Variants in DOCK4 observed in about 807,000 individuals in gnomAD.
DOCK4 encodes dedicator of cytokinesis 4.
Under a neutral mutation model 268.1 loss-of-function variants are expected in DOCK4, and 97 were observed. The ratio of observed to expected loss-of-function variants is 0.36; its 90% CI spans 0.31 to 0.43. DOCK4 has a LOEUF of 0.43. Ranked by LOEUF, DOCK4 falls within the 20% of genes least tolerant of loss-of-function variation. The pLI, the probability that DOCK4 is intolerant of heterozygous loss-of-function variation, is 1.00. For missense variants in DOCK4, 2,145 were observed against 2,455.7 expected, an observed-to-expected ratio of 0.87 and a Z score of 2.67; for synonymous variants, 954 against 887.2, an observed-to-expected ratio of 1.08 and a Z score of -1.34.
chr7:111,729,257 T>C (rs1182267867), intron 52 of DOCK4, among the ~76,000 whole-genome samples: 1 of 152,178 alleles, frequency 6.6e-6, no homozygotes, highest in African/African-American at 2.4e-5. Context: ...CTCCTTATCA[T>C]TTTCAGATAG....
At chr7:111,793,198 A>ACC (rs1290275437) in intron 30 of DOCK4, among the ~76,000 whole-genome samples, 1 of 152,178 alleles carries the variant, frequency 6.6e-6, no homozygotes, top group Admixed American at 6.5e-5. Flanking sequence ...GGTACCTGTT[A>ACC]CTGCACACAG....
intron 1 of DOCK4, among the ~76,000 whole-genome samples, chr7:112,063,903 G>C (rs1806683133): frequency 6.6e-6 from 1 of 152,180 alleles, no homozygotes; most frequent in Non-Finnish European, 1.5e-5. Flanking sequence ...GGTACCCCAA[G>C]TCCTTTTCTT....
intron 27 of DOCK4, among the ~76,000 whole-genome samples, chr7:111,818,311 T>G (rs1167639209): frequency 6.6e-6 from 1 of 152,206 alleles, no homozygotes; most frequent in Non-Finnish European, 1.5e-5. Flanking sequence ...CAAGCATGTC[T>G]AGCTTTCCCT....
At chr7:112,118,287 T>G (rs1338947593) in intron 1 of DOCK4, among the ~76,000 whole-genome samples, 1 of 152,146 alleles carries the variant, frequency 6.6e-6, no homozygotes, top group African/African-American at 2.4e-5. Context: ...ATTTTCTCCT[T>G]CTTGTATTTT....
rs1419296016 is a variant in DOCK4 at position 111,964,242 on chromosome 7, C to T, written c.701+12890G>A. On this transcript the variant is annotated intron_variant, in intron 8 of 52. Coordinates refer to ENST00000428084, the MANE Select transcript of DOCK4 (RefSeq NM_001363540.2). The stretch of plus-strand genomic sequence containing the variant: ...TGACGAGCTGAGAGAAGGCTTCAGA[C>T]GATCAAATTACTCTGAGCTACGGGA... Among the ~76,000 whole-genome samples the T allele has an allele frequency of 5.0e-5, 6 of 119,578 alleles. 1 individual carries two copies. Among genetic ancestry groups the T allele is most frequent in the East Asian group, 2.6e-4 (1 of 3,778 alleles). 78.4% of individuals were successfully genotyped at this position (119,578 alleles called of 152,430 possible). A position where few individuals can be genotyped will look rare whatever the true frequency, so the allele number is the denominator to read the frequency against.
chr7:112,133,907 A>G lies in DOCK4; in HGVS notation c.37+72195T>C, dbSNP rs546293599. Among the ~76,000 whole-genome samples the G allele has an allele frequency of 2.6e-5, 4 of 152,240 alleles. No individual in the cohort carries two copies. The East Asian group carries it at 7.7e-4, about 29-fold the overall frequency. On this transcript the variant is annotated intron_variant, in intron 1 of 52. Transcript: ENST00000428084. ...TAAGGCTTCCTCAAATGGTTTGTGA[A>G]ATAATTTTTTTTTAACAGACTGGAA...
At chr7:112,091,185 G>A (rs10266032) in intron 1 of DOCK4, among the ~76,000 whole-genome samples, 23,269 of 152,162 alleles carry the variant, frequency 0.15, 3,128 homozygotes, top group East Asian at 0.39. Context: ...ATTGACTCCA[G>A]TGTTCCTACC....
intron 1 of DOCK4, among the ~76,000 whole-genome samples, chr7:112,142,073 G>C (rs1469397): frequency 6.6e-6 from 1 of 151,948 alleles, no homozygotes; most frequent in Non-Finnish European, 1.5e-5. Context: ...GGGAGAGGGA[G>C]AAACAGGTTC....
At chr7:111,755,480 T>A (rs1286599891) in intron 42 of DOCK4, 35 bp downstream of exon 42, 1 of 1,599,668 alleles carries the variant, frequency 6.3e-7, no homozygotes, top group Admixed American at 1.7e-5. Flanking sequence ...ACAACTGTGA[T>A]GAGAAAGTGC....
At chr7:111,960,400 A>C (rs190706636) in intron 8 of DOCK4, among the ~76,000 whole-genome samples, 1 of 151,052 alleles carries the variant, frequency 6.6e-6, no homozygotes, top group African/African-American at 2.4e-5. Context: ...GAATTTATAA[A>C]TAAAAATTGT....
At chr7:111,996,822 A>C (rs78292334) in intron 4 of DOCK4, among the ~76,000 whole-genome samples, 3,901 of 152,334 alleles carry the variant, frequency 0.026, 166 homozygotes, top group African/African-American at 0.088. Context: ...GGACGTACTT[A>C]TTTAAAAACC....
At chr7:111,760,905 T>C (rs1263607039) in intron 39 of DOCK4, among the ~76,000 whole-genome samples, 1 of 152,082 alleles carries the variant, frequency 6.6e-6, no homozygotes, top group Non-Finnish European at 1.5e-5. Flanking sequence ...TGATTAGATA[T>C]GACGGATCTC....
intron 27 of DOCK4, among the ~76,000 whole-genome samples, chr7:111,814,560 G>A (rs545287530): frequency 1.3e-5 from 2 of 152,246 alleles, no homozygotes; most frequent in East Asian, 1.9e-4. Flanking sequence ...CAGCAACCCT[G>A]GAGTGGGACT....
intron 1 of DOCK4, among the ~76,000 whole-genome samples, chr7:112,035,151 C>T (rs1165381083): frequency 1.3e-5 from 2 of 151,992 alleles, no homozygotes; most frequent in Non-Finnish European, 2.9e-5. Flanking sequence ...AACAGCCAGC[C>T]CTTAAATAGT....
chr7:112,157,198 A>T (rs1470824899), intron 1 of DOCK4, among the ~76,000 whole-genome samples: 1 of 152,102 alleles, frequency 6.6e-6, no homozygotes, highest in Non-Finnish European at 1.5e-5. Flanking sequence ...AGCTCACAGT[A>T]TTGTGGGAGG....
chr7:112,096,819 G>A (rs991252127), intron 1 of DOCK4, among the ~76,000 whole-genome samples: 1 of 152,176 alleles, frequency 6.6e-6, no homozygotes, highest in African/African-American at 2.4e-5. Flanking sequence ...AAGCCAGTAT[G>A]GAGAAGGGCA....
chr7:111,764,296 T>C (rs1310608856), intron 39 of DOCK4, among the ~76,000 whole-genome samples: 2 of 152,242 alleles, frequency 1.3e-5, no homozygotes, highest in African/African-American at 4.8e-5. Flanking sequence ...CTTCTCCAAG[T>C]ACACCCATCC....
chr7:111,858,154 T>C (rs1362631010), intron 23 of DOCK4, among the ~76,000 whole-genome samples: 1 of 152,210 alleles, frequency 6.6e-6, no homozygotes, highest in Admixed American at 6.5e-5. Flanking sequence ...AATCTTCCCA[T>C]GACAACATTT....
At position 112,000,534 on chromosome 7, in the gene DOCK4, C is replaced by T; in HGVS notation, c.122G>A (p.Gly41Asp). 1 of 1,545,106 alleles carries T rather than the reference C, an allele frequency of 6.5e-7. No homozygotes were observed. Among genetic ancestry groups the T allele is most frequent in the East Asian group, 2.3e-5 (1 of 43,598 alleles). The change falls in exon 3 of 53, where the codon GGC (glycine) becomes GAC (aspartate). Residue 41 changes from glycine (G) to aspartate (D), a missense_variant and splice_region_variant. By Grantham distance (94) the Gly-to-Asp change is moderately conservative. Coordinates refer to ENST00000428084, the MANE Select transcript of DOCK4 (RefSeq NM_001363540.2). ...DTVQILEKCDGWYRGFALKNP... is the reference protein window; with the variant it reads ...DTVQILEKCDDWYRGFALKNP... ...TTTTAAGGCAAATCCTCTGTACCAG[C>T]CTGTGGAAAAATAATCATGGTCATA...
Sources: gnomAD v4.1 joint callset for allele counts (sites outside exome capture counted in the v4.1 genomes callset) on GRCh38, gnomAD v4.1.1 for gene constraint, MANE v1.5 for transcripts, NCBI Gene and HGNC (gene_info 2026-07-23, HGNC 2026-07-21) for gene names.